XRCC6: variants seen among roughly 807,000 people sequenced by gnomAD.
XRCC6 encodes the protein DNA repair protein Ku70.
A neutral mutation model predicts 65.7 loss-of-function variants in XRCC6; 5 were observed. The ratio of observed to expected loss-of-function variants is 0.08; its 90% CI spans 0.04 to 0.16. XRCC6 has a LOEUF of 0.16. Ranked by LOEUF, XRCC6 falls within the 10% of genes least tolerant of loss-of-function variation. The probability of loss-of-function intolerance (pLI) is 1.00; values close to 1 mark genes in which losing one functional copy is unlikely to be tolerated. For missense variants in XRCC6, 447 were observed against 738.1 expected, an observed-to-expected ratio of 0.61 and a Z score of 4.57; for synonymous variants, 270 against 270.6, an observed-to-expected ratio of 1.00 and a Z score of 0.02.
chr22:41,650,771 C>G lies in XRCC6; in HGVS notation c.1009C>G (p.Leu337Val), dbSNP rs751455021. ...IILEKEETEELKRFDDPGLML... is the reference protein window; with the variant it reads ...IILEKEETEEVKRFDDPGLML... ...ACTGGAGAAAGAGGAAACAGAAGAGCTAAAACGGTTTGATGATCCAGGTTT... is the reference window on the plus strand; with the variant it reads ...ACTGGAGAAAGAGGAAACAGAAGAGGTAAAACGGTTTGATGATCCAGGTTT... Residue 337 changes from leucine (L) to valine (V), a missense_variant, in exon 8 of 13, where the codon CTA (leucine) becomes GTA (valine). Leu to Val is a conservative substitution (Grantham distance 32, BLOSUM62 1). Around this residue, in one of 4 missense-constraint regions of XRCC6, gnomAD observed 201 missense variants for 374.1 expected, o/e 0.54. Transcript: ENST00000360079. The G allele has an allele frequency of 6.2e-7, 1 of 1,613,866 alleles. No homozygotes were observed. Among genetic ancestry groups the G allele is most frequent in the Non-Finnish European group, 8.5e-7 (1 of 1,179,844 alleles).
intron 2 of XRCC6, among the ~76,000 whole-genome samples, chr22:41,622,394 A>G (rs1242880837): frequency 6.6e-6 from 1 of 152,154 alleles, no homozygotes; most frequent in African/African-American, 2.4e-5. Context: ...CATCCAGGAA[A>G]GTAGTGTTAC....
chr22:41,662,857 C>T (rs954554816), intron 12 of XRCC6, among the ~76,000 whole-genome samples: 1 of 151,920 alleles, frequency 6.6e-6, no homozygotes, highest in African/African-American at 2.4e-5. Context: ...CTGAGGTGGG[C>T]GGATCATGAG....
At chr22:41,652,142 A>G (rs550593584) in intron 8 of XRCC6, among the ~76,000 whole-genome samples, 1 of 152,232 alleles carries the variant, frequency 6.6e-6, no homozygotes, top group South Asian at 2.1e-4. Flanking sequence ...TCAGATAGCA[A>G]AAAGCAAACA....
chr22:41,644,588 C>T (rs2067912091), intron 6 of XRCC6, among the ~76,000 whole-genome samples: 1 of 152,086 alleles, frequency 6.6e-6, no homozygotes, highest in Admixed American at 6.6e-5. Flanking sequence ...TGGGTTCAAG[C>T]AATTCTCCTG....
At position 41,636,716 on chromosome 22, in the gene XRCC6, G is replaced by A. The variant is rs377060517; in HGVS notation, c.535G>A (p.Asp179Asn). The change falls in exon 5 of 13, where the codon GAC (aspartate) becomes AAC (asparagine). Residue 179 changes from aspartate to asparagine, a missense_variant. Asp to Asn is a conservative substitution (Grantham distance 23). Coordinates refer to ENST00000360079, the MANE Select transcript of XRCC6 (RefSeq NM_001469.5). ...CAATGAAGACAACCCCCATGGCAAT[G>A]ACAGTGCCAAAGCCAGCCGGGCCAG... ...FTNEDNPHGN[D>N]SAKASRARTK... 6.2e-6 allele frequency: 10 copies of A among 1,614,164 alleles called. No individual in the cohort carries two copies. The highest frequency in any genetic ancestry group is 2.7e-5 in the African/African-American group (2 of 75,044).
intron 1 of XRCC6, chr22:41,621,586 CTTGAGGCCTGTCTGCGT>C (rs1159311743): frequency 5.9e-6 from 1 of 169,344 alleles, no homozygotes; most frequent in Non-Finnish European, 1.3e-5. Flanking sequence ...CCCGCCTGCG[CTTGAGGCCTGTCTGCGT>C]TTGAGATCTC....
chr22:41,624,054 C>T (rs1193546198), intron 2 of XRCC6, among the ~76,000 whole-genome samples: 2 of 152,046 alleles, frequency 1.3e-5, no homozygotes, highest in Non-Finnish European at 2.9e-5. Context: ...CATAATTTGG[C>T]CGGGTGTGGT....
chr22:41,658,178 C>A, intron 10 of XRCC6, 74 bp from the exon 11 acceptor site: 1 of 1,488,718 alleles, frequency 6.7e-7, no homozygotes, highest in South Asian at 1.1e-5. Flanking sequence ...TGTAGTATCT[C>A]AGGTGGTTTT....
intron 3 of XRCC6, among the ~76,000 whole-genome samples, chr22:41,631,124 G>A (rs2067741639): frequency 6.7e-6 from 1 of 150,258 alleles, no homozygotes; most frequent in Admixed American, 6.6e-5. Context: ...GGACGGGGCG[G>A]CTGGCAGGGC....
At chr22:41,621,925 A>T (rs762173096) in intron 1 of XRCC6, 65 bp from the exon 2 acceptor site, 9 of 1,479,424 alleles carry the variant, frequency 6.1e-6, no homozygotes, top group Non-Finnish European at 8.5e-6. Context: ...TCTCACAAGA[A>T]CCTAGAGGTC....
intron 11 of XRCC6, among the ~76,000 whole-genome samples, chr22:41,660,296 C>T (rs1022557201): frequency 1.3e-5 from 2 of 152,206 alleles, no homozygotes; most frequent in Non-Finnish European, 2.9e-5. Context: ...GTTGCCTTTT[C>T]CTGTCATACT....
At chr22:41,648,244 C>T (rs2067956358) in intron 7 of XRCC6, 1 of 151,978 alleles carries the variant, frequency 6.6e-6, no homozygotes, top group Admixed American at 6.6e-5. Context: ...CTCTTTGGGA[C>T]TGTGGTATCT....
intron 3 of XRCC6, among the ~76,000 whole-genome samples, chr22:41,631,250 G>A (rs1195396088): frequency 5.3e-5 from 8 of 150,326 alleles, no homozygotes; most frequent in Non-Finnish European, 7.4e-5. Flanking sequence ...CGGATGGGGC[G>A]GCTGGCCTGG....
At chr22:41,659,057 T>G (rs2068074879) in intron 11 of XRCC6, among the ~76,000 whole-genome samples, 1 of 152,212 alleles carries the variant, frequency 6.6e-6, no homozygotes. Flanking sequence ...GTTCAAGCTA[T>G]TCTCGTGTCT....
intron 6 of XRCC6, 32 bp downstream of exon 6, chr22:41,637,823 C>G: frequency 2.5e-6 from 4 of 1,603,898 alleles, no homozygotes; most frequent in Non-Finnish European, 3.4e-6. Context: ...GCTGCCTACA[C>G]TGCCCTTAAA....
intron 9 of XRCC6, among the ~76,000 whole-genome samples, chr22:41,655,892 CTG>C (rs1267947444): frequency 6.6e-6 from 1 of 151,680 alleles, no homozygotes; most frequent in East Asian, 2.0e-4. Context: ...GCACCTCAAA[CTG>C]TAAAAGTTAC....
intron 3 of XRCC6, among the ~76,000 whole-genome samples, chr22:41,630,856 C>CT (rs1482522183): frequency 6.6e-6 from 1 of 152,228 alleles, no homozygotes; most frequent in Non-Finnish European, 1.5e-5. Flanking sequence ...TCTCCCATGT[C>CT]TACTTTTTTC....
intron 2 of XRCC6, among the ~76,000 whole-genome samples, chr22:41,626,548 A>G (rs1011187877): frequency 1.3e-5 from 2 of 151,462 alleles, no homozygotes; most frequent in African/African-American, 4.9e-5. Context: ...TCTGCCTCCC[A>G]GGTTCAAGTG....
At chr22:41,621,790 G>T (rs915666428) in intron 1 of XRCC6, 200 bp from the exon 2 acceptor site, 7 of 561,264 alleles carry the variant, frequency 1.2e-5, no homozygotes, top group Non-Finnish European at 1.9e-5. Context: ...GTGAGGGATA[G>T]CTGAGATGAG....
Sources: gnomAD v4.1 joint callset for allele counts (sites outside exome capture counted in the v4.1 genomes callset) on GRCh38, gnomAD v4.1.1 for gene constraint, gnomAD v4.1.1 regional missense constraint, MANE v1.5 for transcripts, NCBI Gene and HGNC (gene_info 2026-07-23, HGNC 2026-07-21) for gene names.